Variants in ZBTB20 observed in about 807,000 individuals in gnomAD.
ZBTB20 encodes the protein zinc finger and BTB domain-containing protein 20.
Under a neutral mutation model 56.9 loss-of-function variants are expected in ZBTB20, and 9 were observed. The ratio of observed to expected loss-of-function variants is 0.16; its 90% CI spans 0.10 to 0.28. ZBTB20 has a LOEUF of 0.28. Ranked by LOEUF, ZBTB20 falls within the 10% of genes least tolerant of loss-of-function variation. ZBTB20 has a pLI of 1.00. For synonymous variants in ZBTB20, 417 were observed against 420.7 expected (o/e 0.99, Z 0.11); for missense variants, 655 against 1,003.0 (o/e 0.65, Z 4.69).
At chr3:115,139,390 T>C (rs550473937) in intron 1 of ZBTB20, among the ~76,000 whole-genome samples, 1 of 152,202 alleles carries the variant, frequency 6.6e-6, no homozygotes, top group African/African-American at 2.4e-5. Context: ...ATCAAGTAGG[T>C]ATATAGAAAT....
intron 3 of ZBTB20, among the ~76,000 whole-genome samples, chr3:114,914,169 T>C (rs1172672619): frequency 6.6e-6 from 1 of 152,056 alleles, no homozygotes; most frequent in East Asian, 1.9e-4. Context: ...CCTTGGGTAG[T>C]ATGGGCATTT....
At chr3:114,829,534 T>G (rs1281552501) in intron 4 of ZBTB20, among the ~76,000 whole-genome samples, 2 of 151,880 alleles carry the variant, frequency 1.3e-5, no homozygotes, top group African/African-American at 4.8e-5. Flanking sequence ...TAACAAGTAT[T>G]GCCAATAGAA....
chr3:114,771,918 C>A (rs774016332), intron 5 of ZBTB20, among the ~76,000 whole-genome samples: 6 of 152,064 alleles, frequency 3.9e-5, no homozygotes, highest in Non-Finnish European at 5.9e-5. Context: ...CCCATATTAC[C>A]AACCTATGAA....
intron 2 of ZBTB20, among the ~76,000 whole-genome samples, chr3:115,056,706 AAAT>A (rs1272810723): frequency 6.6e-6 from 1 of 152,148 alleles, no homozygotes; most frequent in African/African-American, 2.4e-5. Flanking sequence ...TATATCCAGA[AAAT>A]AATAAACCAT....
chr3:115,102,347 T>C (rs1369134817), intron 1 of ZBTB20, among the ~76,000 whole-genome samples: 1 of 152,158 alleles, frequency 6.6e-6, no homozygotes, highest in Non-Finnish European at 1.5e-5. Context: ...TATCTCCTCC[T>C]CACTATTTGG....
At chr3:115,001,074 A>G (rs2079226761) in intron 2 of ZBTB20, among the ~76,000 whole-genome samples, 2 of 149,492 alleles carry the variant, frequency 1.3e-5, no homozygotes, top group Non-Finnish European at 3.0e-5. Context: ...AAACCTGATG[A>G]ATTTCCCACA....
At chr3:114,816,175 A>G (rs1432167793) in intron 4 of ZBTB20, among the ~76,000 whole-genome samples, 1 of 152,250 alleles carries the variant, frequency 6.6e-6, no homozygotes, top group African/African-American at 2.4e-5. Context: ...ATATATTCAT[A>G]TAACTTCCTC....
At chr3:114,520,997 T>C (rs972638297) in intron 6 of ZBTB20, among the ~76,000 whole-genome samples, 16 of 152,154 alleles carry the variant, frequency 1.1e-4, no homozygotes, top group Admixed American at 5.2e-4. Flanking sequence ...AAGGAGGCCT[T>C]TTTTGAATAG....
At position 114,697,432 on chromosome 3, in the gene ZBTB20, T is replaced by A. The variant is rs559912241; in HGVS notation, c.-342-3857A>T. 2.6e-5 allele frequency among the ~76,000 whole-genome samples: 4 copies of A among 152,194 alleles called. No individual in the cohort carries two copies. In the East Asian group the frequency reaches 7.7e-4, roughly 29 times the overall value. ...AGGTGCTGACAATTATGGGACATTTTGCTGCAGCCTAGGGCAACTAGAAAG... is the reference window on the plus strand; with the variant it reads ...AGGTGCTGACAATTATGGGACATTTAGCTGCAGCCTAGGGCAACTAGAAAG... On this transcript the variant is annotated intron_variant, in intron 5 of 11. Coordinates refer to ENST00000675478, the MANE Select transcript of ZBTB20 (RefSeq NM_001348800.3).
chr3:114,504,984 C>T (rs2044425729), intron 6 of ZBTB20, among the ~76,000 whole-genome samples: 1 of 152,168 alleles, frequency 6.6e-6, no homozygotes, highest in African/African-American at 2.4e-5. Flanking sequence ...TATGTTTCCC[C>T]TTGAATCTGG....
At chr3:114,940,915 A>G (rs1308563858) in intron 3 of ZBTB20, among the ~76,000 whole-genome samples, 4 of 146,390 alleles carry the variant, frequency 2.7e-5, no homozygotes, top group Admixed American at 6.6e-5. Flanking sequence ...GGTTTGTTAA[A>G]TTCACTGAAT....
intron 5 of ZBTB20, among the ~76,000 whole-genome samples, chr3:114,752,410 G>T (rs1244211174): frequency 6.6e-6 from 1 of 152,112 alleles, no homozygotes; most frequent in African/African-American, 2.4e-5. Flanking sequence ...TTGAATTAGT[G>T]CTATTCACAC....
At chr3:115,058,780 C>G (rs569799635) in intron 2 of ZBTB20, among the ~76,000 whole-genome samples, 1 of 152,288 alleles carries the variant, frequency 6.6e-6, no homozygotes, top group Non-Finnish European at 1.5e-5. Flanking sequence ...TCCTTCCCCA[C>G]CTCCTTTTTA....
intron 3 of ZBTB20, among the ~76,000 whole-genome samples, chr3:114,920,494 G>A (rs1160358595): frequency 6.6e-6 from 1 of 151,976 alleles, no homozygotes; most frequent in Non-Finnish European, 1.5e-5. Context: ...AAATAAAAGT[G>A]GAAAAATCAC....
chr3:114,614,857 A>C (rs2057815165), intron 6 of ZBTB20, among the ~76,000 whole-genome samples: 1 of 152,064 alleles, frequency 6.6e-6, no homozygotes, highest in African/African-American at 2.4e-5. Flanking sequence ...TCCCAGTTTC[A>C]AGCGATTCTC....
intron 7 of ZBTB20, among the ~76,000 whole-genome samples, chr3:114,462,289 G>A (rs1443900323): frequency 6.6e-6 from 1 of 152,180 alleles, no homozygotes; most frequent in Non-Finnish European, 1.5e-5. Context: ...ATAAAGGCTG[G>A]AAGTCTGTAG....
intron 7 of ZBTB20, among the ~76,000 whole-genome samples, chr3:114,465,166 C>G (rs1332696652): frequency 6.6e-6 from 1 of 151,396 alleles, no homozygotes; most frequent in East Asian, 1.9e-4. Flanking sequence ...CCTGGTCTGA[C>G]TGGTAAGTTT....
At position 114,547,935 on chromosome 3, in the gene ZBTB20, A is replaced by G. The variant is rs192159100; in HGVS notation, c.-294-47544T>C. ...AGGCCACTGACATAACAGTGCTTTCATTAGTGCTAGATATGCCACCTTGAC... is the reference window on the plus strand; with the variant it reads ...AGGCCACTGACATAACAGTGCTTTCGTTAGTGCTAGATATGCCACCTTGAC... On this transcript the variant is annotated intron_variant, in intron 6 of 11. Coordinates refer to ENST00000675478, the MANE Select transcript of ZBTB20 (RefSeq NM_001348800.3). Among the ~76,000 whole-genome samples the G allele has an allele frequency of 5.9e-3, 896 of 152,292 alleles. 5 individuals are homozygous for G. Among genetic ancestry groups the G allele is most frequent in the Non-Finnish European group, 8.0e-3 (546 of 68,020 alleles).
Position 114,351,553 on chromosome 3 carries a change from C to A in ZBTB20, c.525G>T (p.Thr175=), listed in dbSNP as rs922991326. The A allele has an allele frequency of 3.1e-6, 5 of 1,613,878 alleles. No individual in the cohort carries two copies. In the Admixed American group the frequency reaches 8.3e-5, roughly 27 times the overall value. The change falls in exon 11 of 12, where the codon ACG becomes ACT. Residue 175 remains threonine (T), a synonymous_variant. Transcript: ENST00000675478. ...VSQSEALQIL[T]AASILQIKTV... is the part of the protein sequence containing the mutation. ...TTTTGATCTGCAGGATGCTGGCGGC[C>A]GTGAGGATCTGCAGAGCTTCCGACT...
Sources: allele counts gnomAD v4.1 joint callset (sites outside exome capture counted in the v4.1 genomes callset), GRCh38; gene constraint gnomAD v4.1.1; transcripts MANE v1.5; gene names NCBI Gene and HGNC (gene_info 2026-07-23, HGNC 2026-07-21).